Variants in KDM4C observed in about 807,000 individuals in gnomAD.
KDM4C encodes lysine-specific demethylase 4C.
A neutral mutation model predicts 129.3 loss-of-function variants in KDM4C; 81 were observed. That is an observed-to-expected ratio of 0.63 (90% CI 0.52 to 0.75). KDM4C has a LOEUF of 0.75. Among genes scored for constraint, KDM4C ranks in the 30% least tolerant of loss-of-function variants. The pLI, the probability that KDM4C is intolerant of heterozygous loss-of-function variation, is 0.00. For synonymous variants in KDM4C, 573 were observed against 456.1 expected (o/e 1.26, Z -3.26); for missense variants, 1,457 against 1,304.0 (o/e 1.12, Z -1.81).
In KDM4C at chr9:6,758,095, C is replaced by T. The variant is rs1356833287; in HGVS notation, c.-126C>T. On this transcript the variant is annotated 5_prime_UTR_variant, in exon 1 of 22. Coordinates refer to ENST00000381309, the MANE Select transcript of KDM4C (RefSeq NM_015061.6). This position sits in a 1 kb window ranked among gnomAD's most constrained non-coding sequence, Gnocchi z 4.6. ...GCGCGTGCGCAGCGAACAGCTGTCA[C>T]CTAGTGCGGAACAAGTCTCCCAAAT... 6.1e-6 allele frequency: 6 copies of T among 985,528 alleles called. No individual in the cohort carries two copies. The South Asian group carries it at 2.3e-4, about 39-fold the overall frequency. The allele number at this position is 985,528 out of a possible 1,614,324, so 61.0% of individuals were successfully genotyped here.
intron 1 of KDM4C, among the ~76,000 whole-genome samples, chr9:6,790,736 C>T (rs1826417669): frequency 6.7e-6 from 1 of 149,344 alleles, no homozygotes; most frequent in Admixed American, 6.7e-5. Flanking sequence ...GATGCCAGGT[C>T]CTAATGGATT....
At chr9:6,994,903 A>G (rs1199892571) in intron 12 of KDM4C, among the ~76,000 whole-genome samples, 1 of 152,186 alleles carries the variant, frequency 6.6e-6, no homozygotes, top group East Asian at 1.9e-4. Flanking sequence ...TCAAAGTTAA[A>G]ATGCAGCTGA....
At chr9:6,806,625 G>T (rs1830026307) in intron 3 of KDM4C, among the ~76,000 whole-genome samples, 1 of 152,130 alleles carries the variant, frequency 6.6e-6, no homozygotes, top group Non-Finnish European at 1.5e-5. Flanking sequence ...TCATGAGGTT[G>T]CAGTTAGCAT....
At chr9:6,730,439 C>A (rs1185065944) in intron 1 of KDM4C, among the ~76,000 whole-genome samples, 1 of 151,756 alleles carries the variant, frequency 6.6e-6, no homozygotes, top group African/African-American at 2.4e-5. Context: ...CATGGTGAAA[C>A]CCCATCTCTA....
At chr9:6,924,351 C>A (rs768169238) in intron 8 of KDM4C, among the ~76,000 whole-genome samples, 1 of 152,310 alleles carries the variant, frequency 6.6e-6, no homozygotes, top group South Asian at 2.1e-4. Flanking sequence ...GGTTGCAGAT[C>A]TGTATGGGCC....
At chr9:6,823,652 C>G (rs981929142) in intron 4 of KDM4C, among the ~76,000 whole-genome samples, 1 of 152,234 alleles carries the variant, frequency 6.6e-6, no homozygotes, top group Non-Finnish European at 1.5e-5. Flanking sequence ...CCCCTACCCT[C>G]TCCTGTACCA....
intron 6 of KDM4C, among the ~76,000 whole-genome samples, chr9:6,886,071 T>C (rs10114023): frequency 6.6e-6 from 1 of 152,118 alleles, no homozygotes; most frequent in South Asian, 2.1e-4. Flanking sequence ...TTGAATTGTT[T>C]ATAAAAACGT....
chr9:6,881,977 T>G (rs1844523079), intron 6 of KDM4C, among the ~76,000 whole-genome samples: 1 of 152,262 alleles, frequency 6.6e-6, no homozygotes, highest in African/African-American at 2.4e-5. Flanking sequence ...TTATCTTGTC[T>G]GCGCATCATA....
At chr9:7,162,821 T>C (rs1843941775) in intron 19 of KDM4C, among the ~76,000 whole-genome samples, 1 of 152,100 alleles carries the variant, frequency 6.6e-6, no homozygotes, top group Non-Finnish European at 1.5e-5. Context: ...GCCTCATGTA[T>C]TTCCTGAGGC....
intron 1 of KDM4C, among the ~76,000 whole-genome samples, chr9:6,779,672 A>G (rs966181565): frequency 5.9e-5 from 9 of 152,146 alleles, no homozygotes; most frequent in African/African-American, 1.2e-4. Flanking sequence ...GCAACCTTCA[A>G]CAGTGCTCTA....
chr9:6,878,216 T>C (rs7849419), intron 5 of KDM4C, among the ~76,000 whole-genome samples: 3,402 of 152,308 alleles, frequency 0.022, 55 homozygotes, highest in Middle Eastern at 0.044. Context: ...GGGCTGTGAT[T>C]GGAAGGAAGT....
intron 4 of KDM4C, chr9:6,835,570 G>C: frequency 9.6e-7 from 1 of 1,037,198 alleles, no homozygotes; most frequent in African/African-American, 1.6e-5. Flanking sequence ...TCCTTCAAAT[G>C]CTTCTAGGCG....
chr9:6,795,565 C>G (rs1438447342), intron 2 of KDM4C, among the ~76,000 whole-genome samples: 1 of 152,148 alleles, frequency 6.6e-6, no homozygotes, highest in African/African-American at 2.4e-5. Flanking sequence ...CTCCTGACCT[C>G]AAATGACCTG....
intron 1 of KDM4C, among the ~76,000 whole-genome samples, chr9:6,725,058 A>G (rs1192111874): frequency 6.6e-6 from 1 of 152,014 alleles, no homozygotes; most frequent in Non-Finnish European, 1.5e-5. Flanking sequence ...CACCTTCCTC[A>G]CATTGTTTCA....
chr9:6,780,456 C>T (rs910107075), intron 1 of KDM4C, among the ~76,000 whole-genome samples: 2 of 151,580 alleles, frequency 1.3e-5, no homozygotes, highest in Non-Finnish European at 2.9e-5. Flanking sequence ...TTATTAAAAA[C>T]AAACCCACAA....
intron 18 of KDM4C, among the ~76,000 whole-genome samples, chr9:7,118,155 T>C (rs935819400): frequency 1.3e-5 from 2 of 152,230 alleles, no homozygotes; most frequent in Non-Finnish European, 2.9e-5. Context: ...TGCAGCCTGT[T>C]GTTTGTGCTT....
chr9:6,815,855 T>G (rs983588491), intron 4 of KDM4C, among the ~76,000 whole-genome samples: 4 of 152,248 alleles, frequency 2.6e-5, no homozygotes, highest in Non-Finnish European at 5.9e-5. Flanking sequence ...TTTTGCCACA[T>G]TTGCTTAATG....
At chr9:6,765,242 A>G (rs546020909) in intron 1 of KDM4C, among the ~76,000 whole-genome samples, 102 of 152,060 alleles carry the variant, frequency 6.7e-4, no homozygotes, top group Admixed American at 1.7e-3. Flanking sequence ...CTCTCTACCT[A>G]TTGGCTTTTC....
chr9:6,792,352 TTTTATTTATTTTTTA>T (rs1479445155), intron 1 of KDM4C, among the ~76,000 whole-genome samples: 1 of 101,676 alleles, frequency 9.8e-6, no homozygotes, highest in Non-Finnish European at 2.1e-5. Flanking sequence ...AAAAAAAAAT[TTTTATTTATTTTTTA>T]TTTATTTATT....
Sources: allele counts gnomAD v4.1 joint callset (sites outside exome capture counted in the v4.1 genomes callset), GRCh38; gene constraint gnomAD v4.1.1; non-coding constraint Gnocchi (gnomAD v3.1); transcripts MANE v1.5; gene names NCBI Gene and HGNC (gene_info 2026-07-23, HGNC 2026-07-21).